Variants in WFDC5 observed in about 807,000 individuals in gnomAD.
The protein encoded by WFDC5 is WAP four-disulfide core domain protein 5.
A neutral mutation model predicts 15.7 loss-of-function variants in WFDC5; 15 were observed. The observed-to-expected ratio is 0.96, with a 90% confidence interval of 0.64 to 1.47. The LOEUF is 1.47. Among genes scored for constraint, WFDC5 ranks in the 40% most tolerant of loss-of-function variants. WFDC5 has a pLI of 0.00. For synonymous variants in WFDC5, 109 were observed against 107.7 expected (o/e 1.01, Z -0.07); for missense variants, 280 against 258.0 (o/e 1.09, Z -0.59).
exon 3 of WFDC5, chr20:45,110,491 C>T (rs754958078): frequency 1.2e-6 from 2 of 1,614,192 alleles, no homozygotes; most frequent in African/African-American, 1.3e-5. Context: ...ACAGGTGGTT[C>T]ATGGGGCTGA....
At chr20:45,109,950 C>T (rs533365835) in exon 4 of WFDC5, 28 of 1,613,560 alleles carry the variant, frequency 1.7e-5, no homozygotes, top group Admixed American at 1.3e-4. Flanking sequence ...GGCCTCCCAT[C>T]GTGAACTCTT....
chr20:45,114,815 A>T, intron 1 of WFDC5, among the ~76,000 whole-genome samples, 184 bp downstream of exon 1: 1 of 151,978 alleles, frequency 6.6e-6, no homozygotes, highest in East Asian at 1.9e-4. Context: ...ATGTACACAC[A>T]TAAAAACACA....
At position 45,110,549 on chromosome 20, in the gene WFDC5, CAG is replaced by C; in HGVS notation, c.227-11_227-10del. On this transcript the variant is annotated splice_polypyrimidine_tract_variant and intron_variant, in intron 2 of 3. Coordinates refer to ENST00000307971, the Ensembl canonical transcript of WFDC5. ...GCAGCTGCCCAGCTTCACTGCAACA[CAG>C]GGAACTGGGTGAGCTCCGTCCTTGC... 1 of 1,614,168 alleles carries C rather than the reference CAG, an allele frequency of 6.2e-7. No individual in the cohort carries two copies. The highest frequency in any genetic ancestry group is 8.5e-7 in the Non-Finnish European group (1 of 1,180,010).
At chr20:45,112,739 T>C (rs1448502165) in intron 1 of WFDC5, among the ~76,000 whole-genome samples, 1 of 152,232 alleles carries the variant, frequency 6.6e-6, no homozygotes, top group East Asian at 1.9e-4. Context: ...GCTACAGGCT[T>C]AACAGTAGGA....
chr20:45,110,318 G>A, intron 3 of WFDC5, 82 bp downstream of exon 3: 2 of 1,533,134 alleles, frequency 1.3e-6, no homozygotes, highest in Admixed American at 2.0e-5. Context: ...GAGGCATCCT[G>A]TTAAGCTTGT....
intron 1 of WFDC5, among the ~76,000 whole-genome samples, chr20:45,114,221 G>A (rs1413856157): frequency 6.6e-6 from 1 of 152,118 alleles, no homozygotes; most frequent in Non-Finnish European, 1.5e-5. Context: ...TTAAGGCAGG[G>A]CAAGGGTTGC....
rs370593294 is a variant in WFDC5 at position 45,109,927 on chromosome 20, G to A, written c.480C>T (p.Pro160=). 337 of 1,588,872 alleles carry A rather than the reference G, an allele frequency of 2.1e-4. No individual in the cohort carries two copies. In the African/African-American group the frequency reaches 3.2e-3, roughly 15 times the overall value. Residue 160 remains proline, a synonymous_variant, in exon 4 of 4, where the codon CCC becomes CCT. Transcript: ENST00000307971. ...GCTGGTAGAGATAGTGCTGTCCAGC[G>A]GGCAGGGCCCCAGGCCTCCCATCGT...
chr20:45,111,913 G>C (rs755556004), intron 1 of WFDC5, among the ~76,000 whole-genome samples: 1 of 152,106 alleles, frequency 6.6e-6, no homozygotes, highest in Non-Finnish European at 1.5e-5. Context: ...ATTCAATCCA[G>C]CATCAGAGAA....
chr20:45,110,865 A>T, intron 1 of WFDC5, 90 bp from the exon 2 acceptor site: 1 of 1,545,726 alleles, frequency 6.5e-7, no homozygotes. Flanking sequence ...TGAATTCTCC[A>T]TCCCTTGCTT....
chr20:45,111,961 C>G (rs887895083), intron 1 of WFDC5, among the ~76,000 whole-genome samples: 4 of 152,312 alleles, frequency 2.6e-5, no homozygotes, highest in African/African-American at 9.6e-5. Flanking sequence ...GGATCTGGTT[C>G]TGTGACTTTA....
intron 1 of WFDC5, among the ~76,000 whole-genome samples, chr20:45,114,721 CAT>C (rs1387750959): frequency 2.6e-5 from 4 of 151,936 alleles, no homozygotes; most frequent in African/African-American, 9.7e-5. Flanking sequence ...CACCCCCTGA[CAT>C]ATAGACAGGC....
At chr20:45,112,057 G>A (rs567637874) in intron 1 of WFDC5, among the ~76,000 whole-genome samples, 1 of 152,090 alleles carries the variant, frequency 6.6e-6, no homozygotes, top group Non-Finnish European at 1.5e-5. Context: ...TCCTACGTGC[G>A]CTAAGTCAAC....
chr20:45,112,196 ACTGT>A (rs1981639445), intron 1 of WFDC5, among the ~76,000 whole-genome samples: 1 of 152,116 alleles, frequency 6.6e-6, no homozygotes, highest in Non-Finnish European at 1.5e-5. Flanking sequence ...TTCCTGGGAA[ACTGT>A]CTGAGGTCCA....
intron 1 of WFDC5, among the ~76,000 whole-genome samples, chr20:45,111,537 C>T (rs1450360690): frequency 3.3e-5 from 5 of 152,162 alleles, no homozygotes; most frequent in Admixed American, 2.6e-4. Context: ...CTGTCACAGC[C>T]ACAGCTGGCC....
exon 4 of WFDC5, chr20:45,109,760 G>A (rs769375300): frequency 2.8e-6 from 2 of 719,624 alleles, no homozygotes; most frequent in African/African-American, 1.7e-5. Flanking sequence ...TCGTATGGCA[G>A]TGGTGCAGAG....
exon 4 of WFDC5, chr20:45,109,998 C>T: frequency 1.2e-6 from 2 of 1,613,958 alleles, no homozygotes; most frequent in Non-Finnish European, 1.7e-6. Context: ...GCCACAGATC[C>T]TAAATCAGAA....
At chr20:45,115,835 C>G (rs952629991), upstream of WFDC5, among the ~76,000 whole-genome samples, 1 of 152,174 alleles carries the variant, frequency 6.6e-6, no homozygotes, top group Non-Finnish European at 1.5e-5. Flanking sequence ...AAAATGTCAT[C>G]TCATCCAGGG....
chr20:45,110,478 G>A (rs17422688), exon 3 of WFDC5: 259,090 of 1,613,984 alleles, frequency 0.16, 22,616 homozygotes, highest in Non-Finnish European at 0.18. Flanking sequence ...GAGTCCTTGT[G>A]ACACAGGTGG....
intron 1 of WFDC5, among the ~76,000 whole-genome samples, chr20:45,111,893 C>T (rs890356923): frequency 2.0e-5 from 3 of 152,086 alleles, no homozygotes; most frequent in Admixed American, 6.6e-5. Context: ...GAGCAGGTCC[C>T]AGGTCTTCAA....
Sources: allele counts gnomAD v4.1 joint callset (sites outside exome capture counted in the v4.1 genomes callset), GRCh38; gene constraint gnomAD v4.1.1; transcripts MANE v1.5; gene names NCBI Gene and HGNC (gene_info 2026-07-23, HGNC 2026-07-21).